The following OR5K1 variants were observed in gnomAD, a reference collection of about 807,000 sequenced individuals.
The protein encoded by OR5K1 is olfactory receptor 5K1.
In OR5K1, 7 loss-of-function variants were observed where a neutral mutation model predicts 10.4. The observed-to-expected ratio is 0.67, with a 90% CI of 0.38 to 1.26. The LOEUF (loss-of-function observed/expected upper bound fraction) is 1.26. Among genes scored for constraint, OR5K1 ranks in the 50% most tolerant of loss-of-function variants. OR5K1 has a pLI of 0.02. For missense variants in OR5K1, 435 were observed against 366.2 expected, an observed-to-expected ratio of 1.19 and a Z score of -1.53; for synonymous variants, 135 against 128.5, an observed-to-expected ratio of 1.05 and a Z score of -0.34.
rs867053464 is a variant in OR5K1 at position 98,469,596 on chromosome 3, C to A, written c.20C>A (p.Thr7Asn). ...TCAGGAATGGCTGAAGAAAATCATA[C>A]CATGAAAAATGAGTTTATCCTCACA... MAEENH[T>N]MKNEFILTGF... Residue 7 changes from threonine to asparagine, a missense_variant, in exon 2 of 2, where the codon ACC (threonine) becomes AAC (asparagine). Physicochemically the swap from Thr to Asn is moderately conservative, Grantham distance 65. Transcript: ENST00000642057. The A allele has an allele frequency of 6.2e-6, 10 of 1,608,242 alleles. No homozygotes were observed. Among genetic ancestry groups the A allele is most frequent in the Admixed American group, 1.7e-5 (1 of 59,356 alleles).
rs775887960 is a variant in OR5K1 at position 98,470,420 on chromosome 3, G to A, written c.844G>A (p.Val282Ile). The A allele has an allele frequency of 6.2e-7, 1 of 1,606,038 alleles. No homozygotes were observed. Among genetic ancestry groups the A allele is most frequent in the Non-Finnish European group, 8.5e-7 (1 of 1,173,280 alleles). Reference protein sequence around the residue: ...IPAAILFTIVVPLLNPFIYSL... With the variant: ...IPAAILFTIVIPLLNPFIYSL... The stretch of plus-strand genomic sequence containing the variant: ...AGCTGCAATTTTATTTACAATAGTA[G>A]TTCCCTTACTAAATCCTTTCATTTA... Residue 282 changes from valine (V) to isoleucine (I), a missense_variant, in exon 2 of 2, where the codon GTT (valine) becomes ATT (isoleucine). Transcript: ENST00000642057.
chr3:98,468,203 A>T (rs537888369), intron 1 of OR5K1, among the ~76,000 whole-genome samples: 1 of 152,036 alleles, frequency 6.6e-6, no homozygotes, highest in African/African-American at 2.4e-5. Flanking sequence ...AGGGGTAAAA[A>T]TACCTTAAAA....
chr3:98,466,276 A>T (rs1250421612), intron 1 of OR5K1, among the ~76,000 whole-genome samples: 4 of 121,348 alleles, frequency 3.3e-5, no homozygotes, highest in Non-Finnish European at 5.0e-5. Context: ...TATGTGCCAC[A>T]TTTTCTTAAT....
intron 1 of OR5K1, among the ~76,000 whole-genome samples, chr3:98,464,284 A>G (rs1253486699): frequency 2.6e-5 from 4 of 152,156 alleles, no homozygotes; most frequent in Non-Finnish European, 5.9e-5. Context: ...AAATATATAT[A>G]TACACACCAA....
rs1705443329 is a variant in OR5K1, at chr3:98,471,239, A to T, written c.*736A>T. ...CTTCCAGAAAAGCAGTTCAAACCTC[A>T]TGTAGGATTTGAAGAGCTTCTTTGT... is the stretch of plus-strand genomic sequence containing the variant. On this transcript the variant is annotated 3_prime_UTR_variant, in exon 2 of 2. Coordinates refer to ENST00000642057, the MANE Select transcript of OR5K1 (RefSeq NM_001004736.4). 6.6e-6 allele frequency: 1 copy of T among 151,890 alleles called. No individual in the cohort carries two copies. Among genetic ancestry groups the T allele is most frequent in the African/African-American group, 2.4e-5 (1 of 41,406 alleles). The allele number at this position is 151,890 out of a possible 1,614,324, so 9.4% of individuals were successfully genotyped here.
At position 98,472,259 on chromosome 3, in the gene OR5K1, TCTG is replaced by T. The variant is rs1311803042; in HGVS notation, c.*1759_*1761del. ...CTGGCTCTCTCTCTCTTACTCTTCA[TCTG>T]CTAATTTCTGAGTAAATTCTCTTGA... On this transcript the variant is annotated 3_prime_UTR_variant, in exon 2 of 2. Coordinates refer to ENST00000642057, the MANE Select transcript of OR5K1 (RefSeq NM_001004736.4). The T allele has an allele frequency of 2.0e-5, 3 of 151,866 alleles. No homozygotes were observed. The highest frequency in any genetic ancestry group is 4.4e-5 in the Non-Finnish European group (3 of 67,932). The allele number at this position is 151,866 out of a possible 1,614,324, so 9.4% of individuals were successfully genotyped here.
rs761309802 is a variant in OR5K1, at chr3:98,470,214, G to A, written c.638G>A (p.Ser213Asn). 4 of 1,613,030 alleles carry A rather than the reference G, an allele frequency of 2.5e-6. No homozygotes were observed. The highest frequency in any genetic ancestry group is 1.1e-5 in the South Asian group (1 of 91,040). The change falls in exon 2 of 2, where the codon AGT (serine) becomes AAT (asparagine). Residue 213 changes from serine (S) to asparagine (N), a missense_variant. Transcript: ENST00000642057. ...TCAGTTCAAGTCTTTACCATAGGTA[G>A]TGTCTTAATATCTTATCTCTATATT... ...SGSVQVFTIG[S>N]VLISYLYILL... is the part of the protein sequence containing the mutation.
In OR5K1 at chr3:98,470,409, T is replaced by G. The variant is rs919633648; in HGVS notation, c.833T>G (p.Phe278Cys). Residue 278 changes from phenylalanine to cysteine, a missense_variant, in exon 2 of 2, where the codon TTT becomes TGT. Coordinates refer to ENST00000642057, the MANE Select transcript of OR5K1 (RefSeq NM_001004736.4). ...GDKDIPAAIL[F>C]TIVVPLLNPF... ...AAAGATATACCAGCTGCAATTTTATTTACAATAGTAGTTCCCTTACTAAAT... is the reference window on the plus strand; with the variant it reads ...AAAGATATACCAGCTGCAATTTTATGTACAATAGTAGTTCCCTTACTAAAT... 3.1e-6 allele frequency: 5 copies of G among 1,608,848 alleles called. No individual in the cohort carries two copies. The highest frequency in any genetic ancestry group is 4.3e-6 in the Non-Finnish European group (5 of 1,175,788).
rs778028136 is a variant in OR5K1, at chr3:98,469,843, C to T, written c.267C>T (p.Asn89=). ...TGTTAGAGAACTTCTTTTCTGAGAA[C>T]AAAAGGATTTCCCTCTATGAATGTG... ...PKMLENFFSE[N]KRISLYECAV... Residue 89 remains asparagine (N), a synonymous_variant, in exon 2 of 2, where the codon AAC becomes AAT. Coordinates refer to ENST00000642057, the MANE Select transcript of OR5K1 (RefSeq NM_001004736.4). 9.3e-6 allele frequency: 15 copies of T among 1,613,626 alleles called. No individual in the cohort carries two copies. The highest frequency in any genetic ancestry group is 1.2e-5 in the Non-Finnish European group (14 of 1,179,782).
rs1308508520 is a variant in OR5K1, at chr3:98,470,713, A to T, written c.*210A>T. Reference sequence around the variant, plus strand: ...GTAAATCTTAATTCAAAATAACAAAAATGAAATTCTAATTTTGAACTCATT... The same window carrying T: ...GTAAATCTTAATTCAAAATAACAAATATGAAATTCTAATTTTGAACTCATT... On this transcript the variant is annotated 3_prime_UTR_variant, in exon 2 of 2. Coordinates refer to ENST00000642057, the MANE Select transcript of OR5K1 (RefSeq NM_001004736.4). The T allele has an allele frequency of 3.0e-6, 1 of 333,578 alleles. No individual in the cohort carries two copies. The highest frequency in any genetic ancestry group is 5.6e-5 in the East Asian group (1 of 17,724). 20.7% of individuals were successfully genotyped at this position (333,578 alleles called of 1,614,324 possible). A position where few individuals can be genotyped will look rare whatever the true frequency, so the allele number is the denominator to read the frequency against.
At chr3:98,463,659 T>C (rs373523806) in intron 1 of OR5K1, among the ~76,000 whole-genome samples, 2 of 152,164 alleles carry the variant, frequency 1.3e-5, no homozygotes, top group Non-Finnish European at 2.9e-5. Context: ...TACAATGAAA[T>C]AGAGTTTAAA....
chr3:98,467,875 A>T (rs894197073), intron 1 of OR5K1, among the ~76,000 whole-genome samples: 10 of 146,194 alleles, frequency 6.8e-5, no homozygotes, highest in Non-Finnish European at 1.4e-4. Context: ...CTCTTTTCCT[A>T]ATTGAATACC....
chr3:98,470,603 A>G lies in OR5K1; in HGVS notation c.*100A>G. 1.5e-6 allele frequency: 1 copy of G among 652,846 alleles called. No individual in the cohort carries two copies. The highest frequency in any genetic ancestry group is 2.6e-5 in the South Asian group (1 of 39,212). The allele number at this position is 652,846 out of a possible 1,614,324, so 40.4% of individuals were successfully genotyped here. ...ATTACACAGGGGAAATGCATAAATTATAAGTAAAATTTTAATATATAAGAA... is the reference window on the plus strand; with the variant it reads ...ATTACACAGGGGAAATGCATAAATTGTAAGTAAAATTTTAATATATAAGAA... On this transcript the variant is annotated 3_prime_UTR_variant, in exon 2 of 2. Transcript: ENST00000642057.
intron 1 of OR5K1, among the ~76,000 whole-genome samples, chr3:98,464,990 A>T (rs996931782): frequency 6.6e-6 from 1 of 152,198 alleles, no homozygotes; most frequent in Non-Finnish European, 1.5e-5. Context: ...GTTATAAAAC[A>T]CTGCAGACCT....
At chr3:98,467,949 C>T (rs912660102) in intron 1 of OR5K1, among the ~76,000 whole-genome samples, 37 of 151,514 alleles carry the variant, frequency 2.4e-4, no homozygotes, top group Admixed American at 3.3e-4. Flanking sequence ...TGAATAGGAG[C>T]GGTGAGAGAG....
chr3:98,463,966 G>C (rs746406127), intron 1 of OR5K1, among the ~76,000 whole-genome samples: 17 of 152,020 alleles, frequency 1.1e-4, no homozygotes, highest in Admixed American at 1.3e-4. Flanking sequence ...GATCTTAAAG[G>C]TACATCAGCC....
Position 98,471,656 on chromosome 3 carries a change from C to T in OR5K1, c.*1153C>T, listed in dbSNP as rs915989951. On this transcript the variant is annotated 3_prime_UTR_variant, in exon 2 of 2. Transcript: ENST00000642057. ...TACTAACTTCTGGATTAAGAAGGAC[C>T]TATGTCACATAATAGAAAAACATCT... 6.6e-6 allele frequency: 1 copy of T among 151,882 alleles called. No individual in the cohort carries two copies. Among genetic ancestry groups the T allele is most frequent in the Non-Finnish European group, 1.5e-5 (1 of 67,942 alleles). The allele number at this position is 151,882 out of a possible 1,614,324, so 9.4% of individuals were successfully genotyped here.
chr3:98,468,587 T>C (rs530164420), intron 1 of OR5K1, among the ~76,000 whole-genome samples: 10 of 152,254 alleles, frequency 6.6e-5, no homozygotes, highest in African/African-American at 1.9e-4. Context: ...TTGTCCTTTT[T>C]TGACTGGCTT....
chr3:98,470,571 A>G lies in OR5K1; in HGVS notation c.*68A>G, dbSNP rs1258181690. 1.2e-5 allele frequency: 11 copies of G among 888,458 alleles called. No homozygotes were observed. The highest frequency in any genetic ancestry group is 1.7e-5 in the Non-Finnish European group (10 of 582,488). 55.0% of individuals were successfully genotyped at this position (888,458 alleles called of 1,614,324 possible). A position where few individuals can be genotyped will look rare whatever the true frequency, so the allele number is the denominator to read the frequency against. On this transcript the variant is annotated 3_prime_UTR_variant, in exon 2 of 2. Transcript: ENST00000642057. The stretch of plus-strand genomic sequence containing the variant: ...TGATTTAAATGCAGCAAAAACTTCC[A>G]TGTGAAATTACACAGGGGAAATGCA...
Sources: gnomAD v4.1 joint callset for allele counts (sites outside exome capture counted in the v4.1 genomes callset) on GRCh38, gnomAD v4.1.1 for gene constraint, MANE v1.5 for transcripts, NCBI Gene and HGNC (gene_info 2026-07-23, HGNC 2026-07-21) for gene names.